AFDN: variants seen among roughly 807,000 people sequenced by gnomAD.
AFDN encodes the protein afadin.
In AFDN, 68 loss-of-function variants were observed where a neutral mutation model predicts 216.6. The observed-to-expected ratio is 0.31, with a 90% CI of 0.26 to 0.38. The LOEUF (loss-of-function observed/expected upper bound fraction) is 0.38, where lower values mean the gene tolerates loss of function less well. Among genes scored for constraint, AFDN ranks in the 10% least tolerant of loss-of-function variants. The pLI is 1.00. For synonymous variants in AFDN, 868 were observed against 853.7 expected (o/e 1.02, Z -0.29); for missense variants, 2,136 against 2,342.0 (o/e 0.91, Z 1.82).
intron 1 of AFDN, among the ~76,000 whole-genome samples, chr6:167,849,759 G>T (rs1782093530): frequency 6.6e-6 from 1 of 152,164 alleles, no homozygotes; most frequent in Non-Finnish European, 1.5e-5. Context: ...AATTAAATGA[G>T]AATCTACTTC....
intron 4 of AFDN, among the ~76,000 whole-genome samples, 182 bp downstream of exon 4, chr6:167,872,559 G>C (rs1784908426): frequency 6.6e-6 from 1 of 152,190 alleles, no homozygotes; most frequent in Non-Finnish European, 1.5e-5. Context: ...CCTAAGCAGG[G>C]TTCATTGCTG....
intron 17 of AFDN, 87 bp from the exon 18 acceptor site, chr6:167,914,557 G>A: frequency 9.9e-7 from 1 of 1,008,578 alleles, no homozygotes; most frequent in South Asian, 1.6e-5. Flanking sequence ...TATTTTTTAA[G>A]AGTCCAGATT....
At chr6:167,890,682 C>A (rs575929649) in intron 7 of AFDN, among the ~76,000 whole-genome samples, 180 bp from the exon 8 acceptor site, 1 of 151,576 alleles carries the variant, frequency 6.6e-6, no homozygotes, top group Non-Finnish European at 1.5e-5. Flanking sequence ...CACCAAGAGG[C>A]TAATATTTCC....
chr6:167,836,535 A>T (rs1780456520), intron 1 of AFDN, among the ~76,000 whole-genome samples: 2 of 148,386 alleles, frequency 1.3e-5, no homozygotes, highest in South Asian at 2.1e-4. Flanking sequence ...TGGATATATT[A>T]AAAAAATACG....
chr6:167,926,624 G>C (rs1393191850), intron 23 of AFDN, among the ~76,000 whole-genome samples: 2 of 152,120 alleles, frequency 1.3e-5, no homozygotes. Context: ...TAGAGACAGG[G>C]TCTCGCTATG....
At chr6:167,900,822 C>T (rs1788852318) in intron 11 of AFDN, among the ~76,000 whole-genome samples, 1 of 152,140 alleles carries the variant, frequency 6.6e-6, no homozygotes, top group Non-Finnish European at 1.5e-5. Flanking sequence ...ATCTCCCACT[C>T]AAACTGATGG....
intron 30 of AFDN, among the ~76,000 whole-genome samples, chr6:167,961,379 A>G (rs553476499): frequency 2.6e-5 from 4 of 152,246 alleles, no homozygotes; most frequent in Non-Finnish European, 5.9e-5. Flanking sequence ...ATCTTAGACT[A>G]GAATAACAGA....
chr6:167,919,998 TA>T (rs1227770228), intron 21 of AFDN, among the ~76,000 whole-genome samples: 1 of 152,230 alleles, frequency 6.6e-6, no homozygotes, highest in Non-Finnish European at 1.5e-5. Flanking sequence ...TTCTGATAGT[TA>T]AAAAAATCAT....
chr6:167,846,713 G>GTTT (rs150717891), intron 1 of AFDN, among the ~76,000 whole-genome samples: 2 of 105,150 alleles, frequency 1.9e-5, no homozygotes, highest in Non-Finnish European at 2.1e-5. Context: ...AAACCAAGTT[G>GTTT]TTTTTTTTTT....
At chr6:167,874,862 A>G (rs1008660450) in intron 4 of AFDN, among the ~76,000 whole-genome samples, 1 of 151,944 alleles carries the variant, frequency 6.6e-6, no homozygotes, top group African/African-American at 2.4e-5. Flanking sequence ...TTATCCACCC[A>G]CATCAGCCTC....
chr6:167,962,859 G>T lies in AFDN; in HGVS notation c.4968+292G>T. ...TCTTTGCAAAGGGTTCGTTTCCTCGGGCACTCATCTTTACTGAACATGGCC... is the reference window on the plus strand; with the variant it reads ...TCTTTGCAAAGGGTTCGTTTCCTCGTGCACTCATCTTTACTGAACATGGCC... On this transcript the variant is annotated intron_variant, in intron 31 of 33. Coordinates refer to ENST00000683244, the MANE Select transcript of AFDN (RefSeq NM_001386888.1). The surrounding 1 kb of genome is among the most constrained non-coding windows in gnomAD (Gnocchi z 5.2). 2 of 1,231,466 alleles carry T rather than the reference G, an allele frequency of 1.6e-6. No individual in the cohort carries two copies. Among genetic ancestry groups the T allele is most frequent in the Non-Finnish European group, 2.0e-6 (2 of 978,154 alleles). The allele number at this position is 1,231,466 out of a possible 1,614,324, so 76.3% of individuals were successfully genotyped here. A position where few individuals can be genotyped will look rare whatever the true frequency, so the allele number is the denominator to read the frequency against.
At chr6:167,954,969 A>G (rs1047615571) in intron 30 of AFDN, among the ~76,000 whole-genome samples, 4 of 138,058 alleles carry the variant, frequency 2.9e-5, no homozygotes, top group African/African-American at 9.9e-5. Flanking sequence ...GTTTTCTTTA[A>G]TAATATAACA....
intron 29 of AFDN, among the ~76,000 whole-genome samples, chr6:167,950,863 T>C (rs1795894283): frequency 6.6e-6 from 1 of 151,338 alleles, no homozygotes; most frequent in East Asian, 1.9e-4. Context: ...GCTTTTTTTT[T>C]TTTTTTTTTT....
intron 23 of AFDN, among the ~76,000 whole-genome samples, chr6:167,940,612 G>A (rs1794584587): frequency 4.7e-5 from 1 of 21,288 alleles, no homozygotes; most frequent in Admixed American, 3.3e-4. Flanking sequence ...CAGACACAGA[G>A]GGATGTAGGG....
intron 1 of AFDN, among the ~76,000 whole-genome samples, chr6:167,833,942 C>T (rs1212366643): frequency 1.3e-5 from 2 of 152,138 alleles, no homozygotes; most frequent in African/African-American, 4.8e-5. Flanking sequence ...GTGCTGCAGA[C>T]TCCTAGATGC....
At chr6:167,959,469 A>T (rs1040485155) in intron 30 of AFDN, among the ~76,000 whole-genome samples, 6 of 152,206 alleles carry the variant, frequency 3.9e-5, no homozygotes, top group Non-Finnish European at 7.3e-5. Flanking sequence ...GTAATAAATG[A>T]TCAGGTGTTT....
At chr6:167,844,056 C>T (rs969703895) in intron 1 of AFDN, among the ~76,000 whole-genome samples, 1 of 152,058 alleles carries the variant, frequency 6.6e-6, no homozygotes, top group Non-Finnish European at 1.5e-5. Context: ...TGAATTGAGT[C>T]TGTAGGGTAA....
At position 167,849,043 on chromosome 6, in the gene AFDN, A is replaced by G. The variant is rs147298571; in HGVS notation, c.106-15508A>G. Among the ~76,000 whole-genome samples the G allele has an allele frequency of 2.6e-5, 4 of 152,262 alleles. No individual in the cohort carries two copies. In the East Asian group the frequency reaches 7.7e-4, roughly 29 times the overall value. ...AGAGTATGAATTCTGGCCCACTGGTATTAGCTCTGTGAACATGGTCCACTT... is the reference window on the plus strand; with the variant it reads ...AGAGTATGAATTCTGGCCCACTGGTGTTAGCTCTGTGAACATGGTCCACTT... On this transcript the variant is annotated intron_variant, in intron 1 of 33. Coordinates refer to ENST00000683244, the MANE Select transcript of AFDN (RefSeq NM_001386888.1).
In AFDN at chr6:167,864,967, A is replaced by G. The variant is rs191644468; in HGVS notation, c.301+221A>G. The G allele has an allele frequency of 3.5e-4, 245 of 704,928 alleles. 1 individual carries two copies. The East Asian group carries it at 5.1e-3, about 15-fold the overall frequency. 43.7% of individuals were successfully genotyped at this position (704,928 alleles called of 1,614,324 possible). ...ATATCTGTTGGAAGTTAGAATGAAT[A>G]TATTAATTTTGCATATGCTTATTTC... On this transcript the variant is annotated intron_variant, in intron 2 of 33. Transcript: ENST00000683244.
Sources: allele counts gnomAD v4.1 joint callset (sites outside exome capture counted in the v4.1 genomes callset), GRCh38; gene constraint gnomAD v4.1.1; non-coding constraint Gnocchi (gnomAD v3.1); transcripts MANE v1.5; gene names NCBI Gene and HGNC (gene_info 2026-07-23, HGNC 2026-07-21).